Variants in IL1RAPL1 observed in about 807,000 individuals in gnomAD.
IL1RAPL1 encodes the protein interleukin-1 receptor accessory protein-like 1.
Under a neutral mutation model 48.4 loss-of-function variants are expected in IL1RAPL1, and 3 were observed. That is an observed-to-expected ratio of 0.06 (90% CI 0.03 to 0.16). The LOEUF is 0.16. Ranked by LOEUF, IL1RAPL1 falls within the 10% of genes least tolerant of loss-of-function variation. The pLI is 1.00. For synonymous variants in IL1RAPL1, 185 were observed against 187.7 expected (o/e 0.99, Z 0.12); for missense variants, 349 against 530.6 (o/e 0.66, Z 3.36).
At chrX:29,578,002 G>A (rs184117109) in intron 5 of IL1RAPL1, among the ~76,000 whole-genome samples, 1 of 111,900 alleles carries the variant, frequency 8.9e-6, no homozygotes, top group African/African-American at 3.2e-5. Flanking sequence ...AATCTCCAGG[G>A]ATGGAGCCCA....
chrX:28,761,138 A>G (rs963669714), intron 1 of IL1RAPL1, among the ~76,000 whole-genome samples: 4 of 110,445 alleles, frequency 3.6e-5, no homozygotes, highest in Non-Finnish European at 7.6e-5. Context: ...CTGTGGGGAA[A>G]AGAGAACACT....
At chrX:28,738,526 GA>G in intron 1 of IL1RAPL1, among the ~76,000 whole-genome samples, 1 of 111,188 alleles carries the variant, frequency 9.0e-6, no homozygotes, top group East Asian at 2.8e-4. Flanking sequence ...GGTGGCAAAA[GA>G]AGACCTCACT....
intron 2 of IL1RAPL1, among the ~76,000 whole-genome samples, chrX:29,281,503 C>T (rs1932201134): frequency 9.0e-6 from 1 of 110,944 alleles, no homozygotes; most frequent in African/African-American, 3.3e-5. Flanking sequence ...ACCCCACCCC[C>T]ATCCTCCGCA....
At chrX:29,362,169 A>G (rs1569294889) in intron 3 of IL1RAPL1, among the ~76,000 whole-genome samples, 1 of 112,537 alleles carries the variant, frequency 8.9e-6, no homozygotes, top group East Asian at 2.8e-4. Context: ...TGATAAATAC[A>G]ATTTGATTTG....
At chrX:28,695,233 G>A (rs1471915736) in intron 1 of IL1RAPL1, among the ~76,000 whole-genome samples, 1 of 111,177 alleles carries the variant, frequency 9.0e-6, no homozygotes, top group Admixed American at 9.6e-5. Flanking sequence ...CCAAATATTA[G>A]ACCGTGTGCT....
At chrX:29,527,817 G>A (rs1450698117) in intron 5 of IL1RAPL1, among the ~76,000 whole-genome samples, 3 of 111,947 alleles carry the variant, frequency 2.7e-5, no homozygotes, top group Non-Finnish European at 5.6e-5. Context: ...TAAAAATTAA[G>A]TGGGAACACA....
At chrX:28,710,909 G>C (rs1256352979) in intron 1 of IL1RAPL1, among the ~76,000 whole-genome samples, 1 of 111,945 alleles carries the variant, frequency 8.9e-6, no homozygotes, top group African/African-American at 3.2e-5. Context: ...CCATCATATT[G>C]AACGACAGGT....
At chrX:29,182,562 G>A (rs1169442680) in intron 2 of IL1RAPL1, among the ~76,000 whole-genome samples, 6 of 101,113 alleles carry the variant, frequency 5.9e-5, no homozygotes, top group Non-Finnish European at 2.0e-5. Context: ...TAAATTACAC[G>A]CTCATGTACT....
At chrX:29,928,614 G>A (rs1199372364) in intron 8 of IL1RAPL1, among the ~76,000 whole-genome samples, 1 of 111,997 alleles carries the variant, frequency 8.9e-6, no homozygotes, top group East Asian at 2.8e-4. Flanking sequence ...ACTGGGTTAG[G>A]CATCCTTACT....
intron 2 of IL1RAPL1, among the ~76,000 whole-genome samples, chrX:29,136,575 C>T: frequency 9.0e-6 from 1 of 111,034 alleles, no homozygotes; most frequent in East Asian, 2.8e-4. Context: ...TAACTCATTG[C>T]AACTTTCAAC....
intron 1 of IL1RAPL1, among the ~76,000 whole-genome samples, 158 bp downstream of exon 1, chrX:28,588,205 TATGTGTG>T (rs778155308): frequency 0.33 from 30,958 of 93,047 alleles, 3,504 homozygotes; most frequent in East Asian, 0.55. Flanking sequence ...GGTGTGTTGA[TATGTGTG>T]TGTGTGTGTG....
At chrX:29,414,933 A>G (rs1320986935) in intron 5 of IL1RAPL1, among the ~76,000 whole-genome samples, 4 of 111,876 alleles carry the variant, frequency 3.6e-5, no homozygotes, top group African/African-American at 6.5e-5. Context: ...AGAAACTTCT[A>G]TTGTTCAACT....
intron 3 of IL1RAPL1, among the ~76,000 whole-genome samples, chrX:29,377,541 G>A (rs747159979): frequency 5.7e-4 from 64 of 112,236 alleles, no homozygotes; most frequent in South Asian, 1.5e-3. Flanking sequence ...GACCTCTTAT[G>A]AGGCTGGTCT....
chrX:29,589,782 G>A (rs970317147), intron 5 of IL1RAPL1, among the ~76,000 whole-genome samples: 1 of 111,503 alleles, frequency 9.0e-6, no homozygotes, highest in Non-Finnish European at 1.9e-5. Flanking sequence ...GGCTGTTCTT[G>A]TATTGCTATA....
intron 2 of IL1RAPL1, among the ~76,000 whole-genome samples, chrX:28,872,177 A>G (rs992952606): frequency 2.1e-4 from 14 of 66,265 alleles, no homozygotes; most frequent in Non-Finnish European, 2.7e-4. Flanking sequence ...ATGCCTGGCT[A>G]TTTAAAAACA....
chrX:29,181,375 A>G (rs1454434396), intron 2 of IL1RAPL1, among the ~76,000 whole-genome samples: 1 of 111,906 alleles, frequency 8.9e-6, no homozygotes, highest in Non-Finnish European at 1.9e-5. Context: ...AAATCTTTTG[A>G]CCATAAGAAC....
intron 2 of IL1RAPL1, among the ~76,000 whole-genome samples, chrX:28,796,803 C>T (rs1464805915): frequency 9.0e-6 from 1 of 111,727 alleles, no homozygotes; most frequent in Non-Finnish European, 1.9e-5. Flanking sequence ...TACAGCTCCA[C>T]TAGGCAGTGC....
chrX:28,609,753 T>C (rs1239599550), intron 1 of IL1RAPL1, among the ~76,000 whole-genome samples: 1 of 110,118 alleles, frequency 9.1e-6, no homozygotes, highest in Non-Finnish European at 1.9e-5. Context: ...GATATATCTC[T>C]TGTTTTAACC....
chrX:29,271,991 C>A (rs1055225147), intron 2 of IL1RAPL1, among the ~76,000 whole-genome samples: 1 of 111,697 alleles, frequency 9.0e-6, no homozygotes, highest in Non-Finnish European at 1.9e-5. Context: ...GGGCCTATTT[C>A]CAGAATGGAA....
Sources: allele counts gnomAD v4.1 joint callset (sites outside exome capture counted in the v4.1 genomes callset), GRCh38; gene constraint gnomAD v4.1.1; transcripts MANE v1.5; gene names NCBI Gene and HGNC (gene_info 2026-07-23, HGNC 2026-07-21).